Variants in CNTNAP2 observed in about 807,000 individuals in gnomAD.
CNTNAP2 encodes the protein contactin associated protein 2, also known as contactin-associated protein-like 2.
CNTNAP2 carries 98 observed loss-of-function variants against 155.2 expected under a neutral mutation model. The ratio of observed to expected loss-of-function variants is 0.63; its 90% confidence interval spans 0.54 to 0.75. The LOEUF (loss-of-function observed/expected upper bound fraction) is 0.75, where lower values mean the gene tolerates loss of function less well. Among genes scored for constraint, CNTNAP2 ranks in the 30% least tolerant of loss-of-function variants. CNTNAP2 has a pLI of 0.00. For missense variants in CNTNAP2, 1,727 were observed against 1,688.1 expected (o/e 1.02, Z -0.40); for synonymous variants, 651 against 631.2 (o/e 1.03, Z -0.47).
chr7:146,557,565 A>T (rs1007119862), intron 1 of CNTNAP2, among the ~76,000 whole-genome samples: 2 of 152,098 alleles, frequency 1.3e-5, no homozygotes, highest in African/African-American at 4.8e-5. Flanking sequence ...CCAGTAAGTC[A>T]TACAGGTTAG....
chr7:147,073,949 T>A (rs1009074352), intron 4 of CNTNAP2, among the ~76,000 whole-genome samples: 1 of 152,124 alleles, frequency 6.6e-6, no homozygotes, highest in African/African-American at 2.4e-5. Flanking sequence ...CAGCATCAGA[T>A]AATAGGATAA....
chr7:147,864,823 G>A (rs893125736), intron 13 of CNTNAP2, among the ~76,000 whole-genome samples: 1 of 152,070 alleles, frequency 6.6e-6, no homozygotes, highest in Non-Finnish European at 1.5e-5. Flanking sequence ...AAGGAGATTT[G>A]GGGCTGAGAC....
intron 1 of CNTNAP2, among the ~76,000 whole-genome samples, chr7:146,610,032 A>G (rs1057427932): frequency 6.6e-6 from 1 of 152,234 alleles, no homozygotes; most frequent in African/African-American, 2.4e-5. Context: ...TTCCATGAAC[A>G]CTAAAGGCTG....
chr7:148,140,092 CAG>C (rs944856752), intron 16 of CNTNAP2, among the ~76,000 whole-genome samples: 8 of 152,172 alleles, frequency 5.3e-5, no homozygotes, highest in African/African-American at 1.2e-4. Context: ...GAAAATCAGA[CAG>C]GGGTAGAAGC....
chr7:148,054,193 T>C (rs577134926), intron 15 of CNTNAP2, among the ~76,000 whole-genome samples: 3 of 152,154 alleles, frequency 2.0e-5, no homozygotes, highest in Admixed American at 6.5e-5. Context: ...AGGATGTTCT[T>C]GATCTCCTGA....
At chr7:146,777,057 CA>C (rs1254615962) in intron 2 of CNTNAP2, among the ~76,000 whole-genome samples, 1 of 151,968 alleles carries the variant, frequency 6.6e-6, no homozygotes, top group East Asian at 1.9e-4. Flanking sequence ...GTTTCAAAAG[CA>C]AAAAAACTAT....
At chr7:147,028,349 A>G (rs760163616) in intron 3 of CNTNAP2, among the ~76,000 whole-genome samples, 1 of 152,226 alleles carries the variant, frequency 6.6e-6, no homozygotes. Flanking sequence ...AAATAATGCA[A>G]TATTGTAACT....
chr7:146,421,818 T>C (rs1796015753), intron 1 of CNTNAP2, among the ~76,000 whole-genome samples: 1 of 151,944 alleles, frequency 6.6e-6, no homozygotes, highest in South Asian at 2.1e-4. Flanking sequence ...ACTAAATCAT[T>C]AATTACCTTT....
chr7:148,259,179 T>TAAA (rs34229180), intron 20 of CNTNAP2, among the ~76,000 whole-genome samples: 5,811 of 24,074 alleles, frequency 0.24, 1,884 homozygotes, highest in South Asian at 0.58. Context: ...AACTCCGTCT[T>TAAA]AAAAAAAAAA....
At chr7:148,396,916 A>T (rs967424075) in intron 22 of CNTNAP2, among the ~76,000 whole-genome samples, 1 of 152,242 alleles carries the variant, frequency 6.6e-6, no homozygotes, top group South Asian at 2.1e-4. Flanking sequence ...AGAAAATAAG[A>T]TGAATTGTTT....
At chr7:148,007,015 G>T (rs1355806998) in intron 15 of CNTNAP2, among the ~76,000 whole-genome samples, 1 of 152,074 alleles carries the variant, frequency 6.6e-6, no homozygotes, top group African/African-American at 2.4e-5. Context: ...TAAATACAAG[G>T]GTCATTTCAG....
At chr7:147,549,573 G>A (rs757111647) in intron 11 of CNTNAP2, among the ~76,000 whole-genome samples, 22 of 152,002 alleles carry the variant, frequency 1.4e-4, no homozygotes, top group African/African-American at 2.2e-4. Context: ...TCTAACCTGC[G>A]GAGCTTTAAG....
At chr7:147,739,828 T>C (rs892575337) in intron 13 of CNTNAP2, among the ~76,000 whole-genome samples, 6 of 152,118 alleles carry the variant, frequency 3.9e-5, no homozygotes, top group Non-Finnish European at 8.8e-5. Context: ...ATTTCATATA[T>C]ATATAAATGC....
At chr7:147,397,770 A>ATT (rs10646575) in intron 10 of CNTNAP2, among the ~76,000 whole-genome samples, 22,518 of 145,818 alleles carry the variant, frequency 0.15, 1,920 homozygotes, top group East Asian at 0.34. Context: ...GATACACAAA[A>ATT]TTTTTTTTTT....
intron 1 of CNTNAP2, among the ~76,000 whole-genome samples, chr7:146,371,744 C>CAGG: frequency 6.6e-6 from 1 of 151,784 alleles, no homozygotes; most frequent in African/African-American, 2.4e-5. Context: ...CCTCTGAGGT[C>CAGG]AGGAGTTTGA....
intron 13 of CNTNAP2, among the ~76,000 whole-genome samples, chr7:147,876,653 G>A (rs1158513128): frequency 6.6e-6 from 1 of 152,092 alleles, no homozygotes; most frequent in African/African-American, 2.4e-5. Flanking sequence ...ATAGCAGTTA[G>A]GGGGAGTGAT....
At chr7:147,107,357 A>G (rs949289150) in intron 4 of CNTNAP2, among the ~76,000 whole-genome samples, 1 of 152,134 alleles carries the variant, frequency 6.6e-6, no homozygotes, top group African/African-American at 2.4e-5. Flanking sequence ...CCATTTTTTA[A>G]AAAGTTTACA....
intron 1 of CNTNAP2, among the ~76,000 whole-genome samples, chr7:146,555,701 G>T (rs1229240287): frequency 6.6e-6 from 1 of 152,184 alleles, no homozygotes. Context: ...CAAAAAACGT[G>T]TTTGGGTGAG....
chr7:146,199,459 A>G (rs958790269), intron 1 of CNTNAP2, among the ~76,000 whole-genome samples: 1 of 152,174 alleles, frequency 6.6e-6, no homozygotes, highest in Non-Finnish European at 1.5e-5. Flanking sequence ...TAAGAAGGAA[A>G]GATAGAGATC....
Sources: allele counts gnomAD v4.1 joint callset (sites outside exome capture counted in the v4.1 genomes callset), GRCh38; gene constraint gnomAD v4.1.1; transcripts MANE v1.5; gene names NCBI Gene and HGNC (gene_info 2026-07-23, HGNC 2026-07-21).